The following DBF4 variants were observed in gnomAD, a reference collection of about 807,000 sequenced individuals.
The protein encoded by DBF4 is protein DBF4 homolog A.
In DBF4, 25 loss-of-function variants were observed where a neutral mutation model predicts 76.6. That is an observed-to-expected ratio of 0.33 (90% CI 0.24 to 0.46). The LOEUF is 0.46. Ranked by LOEUF, DBF4 falls within the 20% of genes least tolerant of loss-of-function variation. DBF4 has a pLI of 1.00. For synonymous variants in DBF4, 213 were observed against 258.0 expected, an observed-to-expected ratio of 0.83 and a Z score of 1.67; for missense variants, 638 against 760.8, an observed-to-expected ratio of 0.84 and a Z score of 1.90.
chr7:87,893,082 A>G (rs1839533203), intron 6 of DBF4, among the ~76,000 whole-genome samples: 1 of 152,120 alleles, frequency 6.6e-6, no homozygotes, highest in African/African-American at 2.4e-5. Flanking sequence ...CAGGATATAG[A>G]AATGTTGCTC....
At chr7:87,893,165 T>C (rs921457036) in intron 6 of DBF4, among the ~76,000 whole-genome samples, 2 of 152,280 alleles carry the variant, frequency 1.3e-5, no homozygotes, top group Non-Finnish European at 2.9e-5. Flanking sequence ...TTTGTCTAGT[T>C]TTCCTTTTAG....
rs757679386 is a variant in DBF4 at position 87,907,926 on chromosome 7, T to A, written c.1788T>A (p.Phe596Leu). The change falls in exon 12 of 12, where the codon TTT (phenylalanine) becomes TTA (leucine). Residue 596 changes from phenylalanine to leucine, a missense_variant. Coordinates refer to ENST00000265728, the MANE Select transcript of DBF4 (RefSeq NM_006716.4). ...AAAATCTGGAACCAAATGCTGAATT[T>A]GATAAAAGAACTGAATTTATTACAC... Reference protein sequence around the residue: ...RKENLEPNAEFDKRTEFITQE... With the variant: ...RKENLEPNAELDKRTEFITQE... 8 of 1,612,674 alleles carry A rather than the reference T, an allele frequency of 5.0e-6. No homozygotes were observed. The highest frequency in any genetic ancestry group is 5.1e-6 in the Non-Finnish European group (6 of 1,179,656).
chr7:87,878,387 C>A, intron 2 of DBF4, 162 bp downstream of exon 2: 1 of 587,546 alleles, frequency 1.7e-6, no homozygotes, highest in Non-Finnish European at 2.9e-6. Context: ...TTGTTTTAAC[C>A]TTTTGTGGAC....
At chr7:87,881,220 A>C (rs1839206782) in intron 2 of DBF4, among the ~76,000 whole-genome samples, 1 of 152,176 alleles carries the variant, frequency 6.6e-6, no homozygotes, top group Non-Finnish European at 1.5e-5. Context: ...CAGCCTGGCC[A>C]ACATGGTGAA....
chr7:87,906,550 A>T, intron 11 of DBF4, among the ~76,000 whole-genome samples: 1 of 152,270 alleles, frequency 6.6e-6, no homozygotes, highest in Non-Finnish European at 1.5e-5. Flanking sequence ...TACAAACTGG[A>T]ATTTCAGGGA....
At position 87,907,432 on chromosome 7, in the gene DBF4, A is replaced by G; in HGVS notation, c.1294A>G (p.Asn432Asp). The G allele has an allele frequency of 6.2e-7, 1 of 1,614,096 alleles. No individual in the cohort carries two copies. The highest frequency in any genetic ancestry group is 8.5e-7 in the Non-Finnish European group (1 of 1,179,970). The part of the protein sequence containing the change: ...ELRGLNEKMS[N>D]KCSMLSTAED... ...GAGAGGGCTTAATGAGAAAATGAGT[A>G]ATAAATGTTCCATGTTAAGTACAGC... is the stretch of plus-strand genomic sequence containing the variant. Residue 432 changes from asparagine to aspartate, a missense_variant, in exon 12 of 12, where the codon AAT becomes GAT. Physicochemically the swap from Asn to Asp is conservative, Grantham distance 23. Transcript: ENST00000265728.
intron 2 of DBF4, among the ~76,000 whole-genome samples, chr7:87,883,946 C>T (rs923431678): frequency 6.6e-6 from 1 of 151,982 alleles, no homozygotes; most frequent in Non-Finnish European, 1.5e-5. Context: ...GTATTTACTT[C>T]TCCCTATTTT....
chr7:87,887,495 G>A lies in DBF4; in HGVS notation c.520+97G>A, dbSNP rs1041612049. On this transcript the variant is annotated intron_variant, in intron 5 of 11. Transcript: ENST00000265728. ...TTACATAGTGAAATTTTGATAGCAG[G>A]GATGTCTTAATCTGTTTCCTATTGC... 5 of 1,329,764 alleles carry A rather than the reference G, an allele frequency of 3.8e-6. No homozygotes were observed. In the South Asian group the frequency reaches 5.8e-5, roughly 15 times the overall value. 82.4% of individuals were successfully genotyped at this position (1,329,764 alleles called of 1,614,324 possible).
At chr7:87,877,039 CAA>C (rs1839073104) in intron 1 of DBF4, among the ~76,000 whole-genome samples, 1 of 152,198 alleles carries the variant, frequency 6.6e-6, no homozygotes. Flanking sequence ...AACTAGCAAA[CAA>C]TGTGCAGATC....
chr7:87,894,025 T>A (rs892820208), intron 6 of DBF4, among the ~76,000 whole-genome samples: 9 of 152,252 alleles, frequency 5.9e-5, no homozygotes, highest in Admixed American at 2.0e-4. Flanking sequence ...AATATTTACC[T>A]TCTTCAAATA....
rs553198918 is a variant in DBF4 at position 87,895,408 on chromosome 7, AAGTTT to A, written c.598-1065_598-1061del. 9.8e-5 allele frequency among the ~76,000 whole-genome samples: 15 copies of A among 152,330 alleles called. No individual in the cohort carries two copies. In the East Asian group the frequency reaches 2.7e-3, roughly 27 times the overall value. ...TTCTGGTTGTTTACATGTGAAATTT[AAGTTT>A]TGACTGTATACTGGACATTCTAAAT... is the stretch of plus-strand genomic sequence containing the variant. On this transcript the variant is annotated intron_variant, in intron 6 of 11. Transcript: ENST00000265728.
At chr7:87,903,689 CTTTTTTTT>C (rs56740998) in intron 10 of DBF4, among the ~76,000 whole-genome samples, 4 of 98,106 alleles carry the variant, frequency 4.1e-5, no homozygotes, top group African/African-American at 8.0e-5. Flanking sequence ...CTCTGTATCC[CTTTTTTTT>C]TTTTTTTTTT....
chr7:87,900,655 A>T, intron 9 of DBF4, 109 bp from the exon 10 acceptor site: 1 of 896,114 alleles, frequency 1.1e-6, no homozygotes, highest in Non-Finnish European at 1.7e-6. Flanking sequence ...TTGCTGATAC[A>T]AGTCTCTGCA....
rs188843159 is a variant in DBF4, at chr7:87,891,697, C to T, written c.597+3638C>T. The stretch of plus-strand genomic sequence containing the variant: ...TCTTAGTCAATCTGGCTAGTTTTAC[C>T]AGTTATTAATATTTTCAAGGAAACA... On this transcript the variant is annotated intron_variant, in intron 6 of 11. Coordinates refer to ENST00000265728, the MANE Select transcript of DBF4 (RefSeq NM_006716.4). 3.3e-5 allele frequency among the ~76,000 whole-genome samples: 5 copies of T among 152,064 alleles called. No homozygotes were observed. In the East Asian group the frequency reaches 9.6e-4, roughly 29 times the overall value.
intron 3 of DBF4, among the ~76,000 whole-genome samples, 185 bp from the exon 4 acceptor site, chr7:87,886,659 C>T (rs1356372001): frequency 6.6e-6 from 1 of 151,272 alleles, no homozygotes; most frequent in East Asian, 1.9e-4. Flanking sequence ...ATAAAGAATT[C>T]CAGTGAAACC....
chr7:87,903,687 CCCT>C (rs1410882850), intron 10 of DBF4, among the ~76,000 whole-genome samples: 2 of 138,308 alleles, frequency 1.4e-5, no homozygotes, highest in Non-Finnish European at 3.1e-5. Context: ...CTCTCTGTAT[CCCT>C]TTTTTTTTTT....
intron 10 of DBF4, among the ~76,000 whole-genome samples, chr7:87,903,113 C>T (rs576796136): frequency 2.0e-5 from 3 of 152,276 alleles, no homozygotes; most frequent in East Asian, 3.9e-4. Context: ...GATGGAGTCT[C>T]GCTCTGTCAC....
At chr7:87,886,755 C>A in intron 3 of DBF4, 89 bp from the exon 4 acceptor site, 1 of 801,398 alleles carries the variant, frequency 1.2e-6, no homozygotes, top group South Asian at 1.6e-5. Context: ...AATATGAGAC[C>A]CAAAAGTTCT....
At position 87,908,861 on chromosome 7, in the gene DBF4, C is replaced by T. The variant is rs1839975443; in HGVS notation, c.*698C>T. ...CTTTGGGAGGCCGAGGCAGGCTGAT[C>T]ACGAGGTCAGAAGATCAAGACCATC... On this transcript the variant is annotated 3_prime_UTR_variant, in exon 12 of 12. Coordinates refer to ENST00000265728, the MANE Select transcript of DBF4 (RefSeq NM_006716.4). 1 of 152,230 alleles carries T rather than the reference C, an allele frequency of 6.6e-6. No individual in the cohort carries two copies. The highest frequency in any genetic ancestry group is 6.5e-5 in the Admixed American group (1 of 15,278). 9.4% of individuals were successfully genotyped at this position (152,230 alleles called of 1,614,324 possible). A position where few individuals can be genotyped will look rare whatever the true frequency, so the allele number is the denominator to read the frequency against.
Sources: gnomAD v4.1 joint callset for allele counts (sites outside exome capture counted in the v4.1 genomes callset) on GRCh38, gnomAD v4.1.1 for gene constraint, MANE v1.5 for transcripts, NCBI Gene and HGNC (gene_info 2026-07-23, HGNC 2026-07-21) for gene names.